Variants in FRMD4A observed in about 807,000 individuals in gnomAD.
The protein encoded by FRMD4A is FERM domain-containing protein 4A.
FRMD4A carries 29 observed loss-of-function variants against 129.1 expected under a neutral mutation model. The observed-to-expected ratio is 0.22, with a 90% CI of 0.17 to 0.31. The LOEUF is 0.31. FRMD4A is among the 10% of genes least tolerant of loss of function. The pLI is 1.00. For synonymous variants in FRMD4A, 634 were observed against 571.6 expected (o/e 1.11, Z -1.56); for missense variants, 1,272 against 1,375.8 (o/e 0.92, Z 1.19).
intron 2 of FRMD4A, among the ~76,000 whole-genome samples, chr10:13,951,890 A>AAATAATAAT (rs5783371): frequency 0.07 from 8,915 of 127,510 alleles, 348 homozygotes; most frequent in South Asian, 0.11. Context: ...ACTCTGTCTC[A>AAATAATAAT]AATAATAATA....
At chr10:13,923,680 T>A (rs1277003637) in intron 2 of FRMD4A, among the ~76,000 whole-genome samples, 8 of 151,348 alleles carry the variant, frequency 5.3e-5, no homozygotes, top group South Asian at 4.2e-4. Flanking sequence ...GACTTTTTTT[T>A]AAAACCTGGA....
Position 13,762,334 on chromosome 10 carries a change from C to T in FRMD4A, c.441+290G>A, listed in dbSNP as rs77987704. On this transcript the variant is annotated intron_variant, in intron 7 of 24. Transcript: ENST00000357447. ...CTTTCTCCAGGGTGGAGGTACCAAA[C>T]CCAAAGAAAATGGGGTCAGTAAATG... Among the ~76,000 whole-genome samples, 1,036 of 152,268 alleles carry T rather than the reference C, an allele frequency of 6.8e-3. 8 individuals carry two copies. Among genetic ancestry groups the T allele is most frequent in the African/African-American group, 0.024 (979 of 41,536 alleles).
intron 2 of FRMD4A, among the ~76,000 whole-genome samples, chr10:13,976,685 A>G (rs1031452245): frequency 1.3e-5 from 2 of 152,226 alleles, no homozygotes; most frequent in Non-Finnish European, 2.9e-5. Flanking sequence ...TTGCAAATAC[A>G]TAAATACACA....
chr10:14,079,437 A>G (rs1251123669), intron 2 of FRMD4A, among the ~76,000 whole-genome samples: 2 of 152,258 alleles, frequency 1.3e-5, no homozygotes, highest in Non-Finnish European at 2.9e-5. Flanking sequence ...AGAAAAGTCA[A>G]TCAAACAAAA....
chr10:13,760,209 TGCGTGCAAAACTC>T (rs1478235243), intron 8 of FRMD4A, among the ~76,000 whole-genome samples: 3 of 151,778 alleles, frequency 2.0e-5, no homozygotes, highest in Non-Finnish European at 3.0e-5. Context: ...GAGATCGTAC[TGCGTGCAAAACTC>T]AAGATACTGA....
At chr10:14,245,094 G>T (rs1844184765) in intron 2 of FRMD4A, among the ~76,000 whole-genome samples, 1 of 152,202 alleles carries the variant, frequency 6.6e-6, no homozygotes, top group African/African-American at 2.4e-5. Context: ...TGAAATGGGA[G>T]TACTAATGAC....
rs529092872 is a variant in FRMD4A at position 14,211,542 on chromosome 10, G to C, written c.45+118516C>G. On this transcript the variant is annotated intron_variant, in intron 2 of 24. Coordinates refer to ENST00000357447, the MANE Select transcript of FRMD4A (RefSeq NM_018027.5). ...CCGTATCATGCGTGCTATCTGTCAA[G>C]AGCCAGTTCCTATTTCTCTTAAATC... 2.0e-5 allele frequency among the ~76,000 whole-genome samples: 3 copies of C among 152,304 alleles called. No homozygotes were observed. The South Asian group carries it at 6.2e-4, about 32-fold the overall frequency.
intron 12 of FRMD4A, among the ~76,000 whole-genome samples, chr10:13,730,831 T>G (rs2090267096): frequency 8.0e-6 from 1 of 125,762 alleles, no homozygotes; most frequent in African/African-American, 3.0e-5. Flanking sequence ...CTGACTAACA[T>G]GGTGAAACCC....
intron 2 of FRMD4A, among the ~76,000 whole-genome samples, chr10:14,085,507 G>T (rs1233969136): frequency 6.6e-6 from 1 of 152,186 alleles, no homozygotes; most frequent in African/African-American, 2.4e-5. Context: ...ACTTTGCAGG[G>T]AGGACGCATT....
chr10:14,326,935 T>G (rs1843301548), intron 2 of FRMD4A: 3 of 398,588 alleles, frequency 7.5e-6, no homozygotes, highest in Admixed American at 8.8e-5. Flanking sequence ...CACCAGAATG[T>G]GTCTTCTCTC....
chr10:14,012,164 G>C (rs1164793295), intron 2 of FRMD4A, among the ~76,000 whole-genome samples: 3 of 151,884 alleles, frequency 2.0e-5, no homozygotes, highest in South Asian at 4.2e-4. Flanking sequence ...TGGGAGTTGA[G>C]GGGGGAAAGA....
chr10:14,209,316 C>T (rs1842871895), intron 2 of FRMD4A, among the ~76,000 whole-genome samples: 1 of 152,160 alleles, frequency 6.6e-6, no homozygotes, highest in East Asian at 1.9e-4. Context: ...CATAGGCTCC[C>T]TCCAAAGATG....
intron 3 of FRMD4A, among the ~76,000 whole-genome samples, chr10:13,836,390 C>G (rs1255017229): frequency 6.6e-6 from 1 of 152,138 alleles, no homozygotes; most frequent in African/African-American, 2.4e-5. Context: ...CACCACAGCC[C>G]AAAGCATTTT....
intron 12 of FRMD4A, among the ~76,000 whole-genome samples, chr10:13,714,037 T>TATATATTTTATATACATATATATAAA (rs2088475900): frequency 1.0e-3 from 1 of 1,004 alleles, no homozygotes; most frequent in Non-Finnish European, 1.9e-3. Flanking sequence ...CATATATATA[T>TATATATTTTATATACATATATATAAA]ATATATATAT....
intron 2 of FRMD4A, among the ~76,000 whole-genome samples, chr10:14,018,996 C>T (rs977802126): frequency 2.0e-5 from 3 of 152,150 alleles, no homozygotes; most frequent in African/African-American, 7.2e-5. Context: ...ATAACACGCA[C>T]ATTTACTTCT....
At chr10:13,686,962 T>G (rs2085141176) in intron 15 of FRMD4A, among the ~76,000 whole-genome samples, 1 of 152,194 alleles carries the variant, frequency 6.6e-6, no homozygotes, top group Non-Finnish European at 1.5e-5. Context: ...GAACAAAAAC[T>G]AACTCTCCTA....
intron 12 of FRMD4A, among the ~76,000 whole-genome samples, chr10:13,736,047 A>C (rs1423072363): frequency 2.0e-5 from 3 of 152,066 alleles, no homozygotes; most frequent in Admixed American, 6.6e-5. Flanking sequence ...AGCTACTGGA[A>C]AGGCTGAGGC....
intron 2 of FRMD4A, among the ~76,000 whole-genome samples, chr10:14,246,289 G>A (rs778123823): frequency 2.2e-4 from 33 of 152,108 alleles, no homozygotes; most frequent in Middle Eastern, 3.2e-3. Context: ...TCACAACTAA[G>A]CACAAAACCT....
intron 2 of FRMD4A, among the ~76,000 whole-genome samples, chr10:14,081,973 G>T (rs1451896581): frequency 6.6e-6 from 1 of 152,218 alleles, no homozygotes; most frequent in East Asian, 1.9e-4. Context: ...TACAGGTTGG[G>T]CACAGTGGCT....
Sources: gnomAD v4.1 joint callset for allele counts (sites outside exome capture counted in the v4.1 genomes callset) on GRCh38, gnomAD v4.1.1 for gene constraint, MANE v1.5 for transcripts, NCBI Gene and HGNC (gene_info 2026-07-23, HGNC 2026-07-21) for gene names.